ARMC6: variants seen among roughly 807,000 people sequenced by gnomAD.
ARMC6 encodes armadillo repeat-containing protein 6.
Under a neutral mutation model 49.2 loss-of-function variants are expected in ARMC6, and 43 were observed. The ratio of observed to expected loss-of-function variants is 0.87; its 90% CI spans 0.69 to 1.13. The LOEUF is 1.13. Ranked by LOEUF, ARMC6 falls within the 50% of genes most tolerant of loss-of-function variation. The pLI, the probability that ARMC6 is intolerant of heterozygous loss-of-function variation, is 0.00. For synonymous variants in ARMC6, 262 were observed against 289.6 expected (o/e 0.90, Z 0.97); for missense variants, 627 against 682.0 (o/e 0.92, Z 0.90).
At chr19:19,045,776 C>T (rs111988328) in intron 4 of ARMC6, among the ~76,000 whole-genome samples, 1 of 151,704 alleles carries the variant, frequency 6.6e-6, no homozygotes, top group Non-Finnish European at 1.5e-5. Flanking sequence ...CTCAGCCTCC[C>T]GAGTAGCTGG....
chr19:19,036,268 G>A (rs1325327369), intron 2 of ARMC6, among the ~76,000 whole-genome samples: 1 of 152,100 alleles, frequency 6.6e-6, no homozygotes, highest in Non-Finnish European at 1.5e-5. Context: ...CGCCATGTTG[G>A]TCAGGCTGGT....
At chr19:19,038,475 C>T (rs934945309) in intron 2 of ARMC6, among the ~76,000 whole-genome samples, 3 of 152,308 alleles carry the variant, frequency 2.0e-5, no homozygotes, top group African/African-American at 7.2e-5. Flanking sequence ...CTTGTTCCCA[C>T]CTGTCAGAGT....
intron 8 of ARMC6, 104 bp from the exon 9 acceptor site, chr19:19,057,312 T>G: frequency 1.1e-6 from 1 of 938,556 alleles, no homozygotes; most frequent in Non-Finnish European, 1.6e-6. Context: ...GGATGTCAGC[T>G]GTGGTTATGA....
chr19:19,034,481 G>A (rs536435408), intron 2 of ARMC6, among the ~76,000 whole-genome samples: 4 of 152,300 alleles, frequency 2.6e-5, no homozygotes, highest in African/African-American at 9.6e-5. Flanking sequence ...CTCTGGGAGT[G>A]GCAGGTGACG....
intron 1 of ARMC6, 73 bp from the exon 2 acceptor site, chr19:19,034,058 A>C: frequency 4.8e-6 from 3 of 623,204 alleles, no homozygotes; most frequent in Non-Finnish European, 8.4e-6. Flanking sequence ...ATTTTACAGA[A>C]GCCGCCTGGG....
At chr19:19,053,268 G>C (rs1187372767) in intron 5 of ARMC6, among the ~76,000 whole-genome samples, 4 of 152,246 alleles carry the variant, frequency 2.6e-5, no homozygotes, top group African/African-American at 9.6e-5. Context: ...TAGAAGGATT[G>C]TTTGGGCCCA....
rs1406666294 is a variant in ARMC6 at position 19,051,928 on chromosome 19, T to G, written c.586T>G (p.Cys196Gly). The G allele has an allele frequency of 6.2e-7, 1 of 1,614,168 alleles. No individual in the cohort carries two copies. Among genetic ancestry groups the G allele is most frequent in the Admixed American group, 1.7e-5 (1 of 60,024 alleles). Residue 196 changes from cysteine (C) to glycine (G), a missense_variant, in exon 5 of 9, where the codon TGC becomes GGC. Transcript: ENST00000535612. The part of the protein sequence containing the change: ...TQNADEADLT[C>G]SGIRCVRHAC... ...GAATGCTGATGAGGCTGACCTGACC[T>G]GCTCTGGGATCCGCTGTGTGCGTCA...
chr19:19,045,504 T>TTTTTTTTTTTTTTTTTTTTTTTTA (rs1599639724), intron 4 of ARMC6, among the ~76,000 whole-genome samples: 1 of 143,460 alleles, frequency 7.0e-6, no homozygotes, highest in East Asian at 2.0e-4. Context: ...TTTTTTTTTT[T>TTTTTTTTTTTTTTTTTTTTTTTTA]GAGACAAGAG....
rs1599651253 is a variant in ARMC6 at position 19,055,693 on chromosome 19, G to A, written c.1156-98G>A. On this transcript the variant is annotated intron_variant, in intron 7 of 8. Coordinates refer to ENST00000535612, the MANE Select transcript of ARMC6 (RefSeq NM_001199196.2). This position sits in a 1 kb window ranked among gnomAD's most constrained non-coding sequence, Gnocchi z 5.7. Reference sequence around the variant, plus strand: ...GGAGTTGCCAGAGACCCACGGAGGGGAGGCCGCAGGGTGTTCACCAGGGGT... The same window carrying A: ...GGAGTTGCCAGAGACCCACGGAGGGAAGGCCGCAGGGTGTTCACCAGGGGT... 1 of 1,471,326 alleles carries A rather than the reference G, an allele frequency of 6.8e-7. No homozygotes were observed. Among genetic ancestry groups the A allele is most frequent in the East Asian group, 2.3e-5 (1 of 43,092 alleles). The allele number at this position is 1,471,326 out of a possible 1,614,324, so 91.1% of individuals were successfully genotyped here.
At chr19:19,047,869 A>G (rs1343881797) in intron 4 of ARMC6, among the ~76,000 whole-genome samples, 1 of 152,084 alleles carries the variant, frequency 6.6e-6, no homozygotes, top group African/African-American at 2.4e-5. Context: ...TGTGGTCTGG[A>G]AAAGTAGGGC....
Position 19,057,687 on chromosome 19 carries a change from A to T in ARMC6, c.*59A>T, listed in dbSNP as rs1467139248. 4.0e-6 allele frequency: 6 copies of T among 1,509,458 alleles called. No individual in the cohort carries two copies. The highest frequency in any genetic ancestry group is 5.5e-6 in the Non-Finnish European group (6 of 1,095,830). 93.5% of individuals were successfully genotyped at this position (1,509,458 alleles called of 1,614,324 possible). On this transcript the variant is annotated 3_prime_UTR_variant, in exon 9 of 9. Coordinates refer to ENST00000535612, the MANE Select transcript of ARMC6 (RefSeq NM_001199196.2). Reference sequence around the variant, plus strand: ...AGTCGTGTGACTCAGGAATGGGGGTAGATCCATGTCCTCCACTGTCCCCCA... The same window carrying T: ...AGTCGTGTGACTCAGGAATGGGGGTTGATCCATGTCCTCCACTGTCCCCCA...
intron 4 of ARMC6, among the ~76,000 whole-genome samples, chr19:19,045,312 C>G (rs776249992): frequency 1.3e-4 from 20 of 152,154 alleles, no homozygotes; most frequent in Non-Finnish European, 2.8e-4. Context: ...AGTGCCCAGC[C>G]TGGATGAATT....
rs1033818202 is a variant in ARMC6, at chr19:19,055,463, C to T, written c.1155+67C>T. 3 of 1,526,160 alleles carry T rather than the reference C, an allele frequency of 2.0e-6. No homozygotes were observed. The highest frequency in any genetic ancestry group is 1.8e-6 in the Non-Finnish European group (2 of 1,136,464). The allele number at this position is 1,526,160 out of a possible 1,614,324, so 94.5% of individuals were successfully genotyped here. A position where few individuals can be genotyped will look rare whatever the true frequency, so the allele number is the denominator to read the frequency against. On this transcript the variant is annotated intron_variant, in intron 7 of 8. Transcript: ENST00000535612. The surrounding 1 kb of genome is among the most constrained non-coding windows in gnomAD (Gnocchi z 5.7). ...TGGAGTCCCAGTTCAGTTTCTGTAT[C>T]TGCATGAAGCTCTATTCCCCTGCAG...
At position 19,055,845 on chromosome 19, in the gene ARMC6, A is replaced by C; in HGVS notation, c.1210A>C (p.Asn404His). Residue 404 changes from asparagine (N) to histidine (H), a missense_variant, in exon 8 of 9, where the codon AAC (asparagine) becomes CAC (histidine). By Grantham distance (68) the Asn-to-His change is moderately conservative. Transcript: ENST00000535612. The surrounding 1 kb of genome is among the most constrained non-coding windows in gnomAD (Gnocchi z 5.7). Reference sequence around the variant, plus strand: ...CTTCCTGGCCCTGCGTAAGCCCGACAACAGCCGCATCATCGTGGAGGGTGG... The same window carrying C: ...CTTCCTGGCCCTGCGTAAGCCCGACCACAGCCGCATCATCGTGGAGGGTGG... Reference protein sequence around the residue: ...LCFLALRKPDNSRIIVEGGGA... With the variant: ...LCFLALRKPDHSRIIVEGGGA... 6.2e-7 allele frequency: 1 copy of C among 1,612,290 alleles called. No homozygotes were observed. The highest frequency in any genetic ancestry group is 8.5e-7 in the Non-Finnish European group (1 of 1,178,892).
chr19:19,051,702 G>C lies in ARMC6; in HGVS notation c.360G>C (p.Gln120His). 6.2e-7 allele frequency: 1 copy of C among 1,613,980 alleles called. No homozygotes were observed. The change falls in exon 5 of 9, where the codon CAG becomes CAC. Residue 120 changes from glutamine to histidine, a missense_variant. Transcript: ENST00000535612. ...CATACCTCACCCGCTTCTGCGACCA[G>C]TGCAAACAGGACAAGGCCTGCCGCT... ...VSAYLTRFCD[Q>H]CKQDKACRFL...
chr19:19,042,595 G>A, intron 2 of ARMC6, 116 bp from the exon 3 acceptor site: 1 of 985,366 alleles, frequency 1.0e-6, no homozygotes, highest in Non-Finnish European at 1.6e-6. Context: ...TCTCCAGGGT[G>A]GTTGTAGGGC....
At position 19,033,873 on chromosome 19, in the gene ARMC6, C is replaced by G. The variant is rs964716000; in HGVS notation, c.-137C>G. 5.6e-6 allele frequency: 2 copies of G among 358,004 alleles called. No homozygotes were observed. The highest frequency in any genetic ancestry group is 1.0e-5 in the Non-Finnish European group (2 of 195,172). The allele number at this position is 358,004 out of a possible 1,614,324, so 22.2% of individuals were successfully genotyped here. ...TACGGCGGCCGGAAGGGGCTAGAGG[C>G]GGCTCCCTGGGTGACAACCGCGCGC... is the stretch of plus-strand genomic sequence containing the variant. On this transcript the variant is annotated 5_prime_UTR_variant, in exon 1 of 9. Coordinates refer to ENST00000535612, the MANE Select transcript of ARMC6 (RefSeq NM_001199196.2).
At chr19:19,040,067 C>G (rs1179825682) in intron 2 of ARMC6, among the ~76,000 whole-genome samples, 3 of 152,232 alleles carry the variant, frequency 2.0e-5, no homozygotes, top group Admixed American at 6.5e-5. Flanking sequence ...CCAATGGCTT[C>G]TGTACTAGGC....
At chr19:19,041,372 G>A (rs1473665204) in intron 2 of ARMC6, among the ~76,000 whole-genome samples, 2 of 151,368 alleles carry the variant, frequency 1.3e-5, no homozygotes, top group Non-Finnish European at 2.9e-5. Context: ...TTTTTGAGAC[G>A]GAATCTTGCT....
Sources: allele counts gnomAD v4.1 joint callset (sites outside exome capture counted in the v4.1 genomes callset), GRCh38; gene constraint gnomAD v4.1.1; non-coding constraint Gnocchi (gnomAD v3.1); transcripts MANE v1.5; gene names NCBI Gene and HGNC (gene_info 2026-07-23, HGNC 2026-07-21).